The following FHIT variants were observed in gnomAD, a reference collection of about 807,000 sequenced individuals.
FHIT encodes bis(5'-adenosyl)-triphosphatase.
A neutral mutation model predicts 17.9 loss-of-function variants in FHIT; 19 were observed. That is an observed-to-expected ratio of 1.06 (90% CI 0.74 to 1.56). FHIT has a LOEUF of 1.56. FHIT is among the 40% of genes most tolerant of loss of function. The pLI is 0.00. For synonymous variants in FHIT, 81 were observed against 69.7 expected (o/e 1.16, Z -0.81); for missense variants, 248 against 189.2 (o/e 1.31, Z -1.82).
At chr3:61,238,921 G>T (rs941044087) in intron 1 of FHIT, among the ~76,000 whole-genome samples, 1 of 152,168 alleles carries the variant, frequency 6.6e-6, no homozygotes, top group Non-Finnish European at 1.5e-5. Context: ...CCGCATTAGG[G>T]GGCAGAAGTG....
At chr3:60,751,341 T>A (rs985012224) in intron 4 of FHIT, among the ~76,000 whole-genome samples, 2 of 152,264 alleles carry the variant, frequency 1.3e-5, no homozygotes, top group Non-Finnish European at 2.9e-5. Flanking sequence ...TTTTTCTCAC[T>A]TTAATGTTGC....
intron 5 of FHIT, among the ~76,000 whole-genome samples, chr3:60,221,806 A>C (rs1050998678): frequency 6.6e-6 from 1 of 152,072 alleles, no homozygotes; most frequent in Admixed American, 6.5e-5. Context: ...TGATCTCCTC[A>C]GAGACTATCC....
chr3:59,978,046 T>C (rs1011197253), intron 7 of FHIT, among the ~76,000 whole-genome samples: 2 of 152,196 alleles, frequency 1.3e-5, no homozygotes, highest in Admixed American at 6.5e-5. Flanking sequence ...CACTATGCTA[T>C]GTATGGGCTG....
intron 5 of FHIT, among the ~76,000 whole-genome samples, chr3:60,121,513 C>T (rs1705245300): frequency 6.6e-6 from 1 of 151,850 alleles, no homozygotes; most frequent in Admixed American, 6.6e-5. Flanking sequence ...TGGTGAGATC[C>T]CATCTCTACC....
intron 5 of FHIT, among the ~76,000 whole-genome samples, chr3:60,145,385 T>A (rs2107313299): frequency 6.6e-6 from 1 of 152,246 alleles, no homozygotes; most frequent in African/African-American, 2.4e-5. Flanking sequence ...TACAGTGGCG[T>A]GGGGGGCACA....
At chr3:60,635,431 C>T (rs1310503613) in intron 4 of FHIT, among the ~76,000 whole-genome samples, 1 of 152,206 alleles carries the variant, frequency 6.6e-6, no homozygotes, top group Non-Finnish European at 1.5e-5. Flanking sequence ...TGACCACTCC[C>T]CTCCTTCATA....
chr3:60,549,187 A>G (rs1195348606), intron 4 of FHIT, among the ~76,000 whole-genome samples: 1 of 152,222 alleles, frequency 6.6e-6, no homozygotes, highest in Non-Finnish European at 1.5e-5. Context: ...TGCTTATCAC[A>G]AAAATGGTAT....
At chr3:61,217,000 AG>A (rs1304291342) in intron 1 of FHIT, among the ~76,000 whole-genome samples, 2 of 61,376 alleles carry the variant, frequency 3.3e-5, no homozygotes, top group East Asian at 4.3e-4. Context: ...GTTGTGGGGT[AG>A]GGGGAGGGGG....
chr3:60,981,471 AT>A lies in FHIT; in HGVS notation c.-111+60575del, dbSNP rs545785660. 6.0e-4 allele frequency among the ~76,000 whole-genome samples: 90 copies of A among 150,808 alleles called. 1 individual carries two copies. The South Asian group carries it at 0.012, about 19-fold the overall frequency. On this transcript the variant is annotated intron_variant, in intron 3 of 9. Coordinates refer to ENST00000492590, the MANE Select transcript of FHIT (RefSeq NM_002012.4). Reference sequence around the variant, plus strand: ...AGGTGCACGCCACCACTACCAGCTAATTTTTTTAAAATATATTTTCGTAGAG... The same window carrying A: ...AGGTGCACGCCACCACTACCAGCTAATTTTTTAAAATATATTTTCGTAGAG...
chr3:60,663,981 C>T (rs553571724), intron 4 of FHIT, among the ~76,000 whole-genome samples: 5 of 151,908 alleles, frequency 3.3e-5, no homozygotes, highest in Non-Finnish European at 7.4e-5. Flanking sequence ...AAACTGCATG[C>T]CTTCTATTTT....
intron 4 of FHIT, among the ~76,000 whole-genome samples, chr3:60,589,195 AC>A (rs1334126536): frequency 3.3e-5 from 5 of 152,066 alleles, no homozygotes; most frequent in African/African-American, 1.2e-4. Flanking sequence ...AAAAAGTATA[AC>A]CCAATGTAAG....
chr3:60,133,313 T>A (rs973499186), intron 5 of FHIT, among the ~76,000 whole-genome samples: 1 of 152,138 alleles, frequency 6.6e-6, no homozygotes, highest in Non-Finnish European at 1.5e-5. Flanking sequence ...CCCTTGCTAA[T>A]AAAATACTGG....
At chr3:60,318,413 C>G (rs1037754878) in intron 5 of FHIT, among the ~76,000 whole-genome samples, 1 of 152,088 alleles carries the variant, frequency 6.6e-6, no homozygotes, top group Non-Finnish European at 1.5e-5. Context: ...CAAAGAAAGG[C>G]ATCTGGGGGG....
intron 4 of FHIT, among the ~76,000 whole-genome samples, chr3:60,767,149 A>G (rs1699884366): frequency 6.6e-6 from 1 of 152,240 alleles, no homozygotes; most frequent in Non-Finnish European, 1.5e-5. Flanking sequence ...CAGACAAATA[A>G]CAGGCATTTT....
chr3:60,441,484 CT>C (rs1341603392), intron 5 of FHIT, among the ~76,000 whole-genome samples: 1 of 151,610 alleles, frequency 6.6e-6, no homozygotes, highest in African/African-American at 2.4e-5. Flanking sequence ...TCATCTCAAA[CT>C]TCTCCTTGAA....
intron 2 of FHIT, among the ~76,000 whole-genome samples, chr3:61,127,252 G>A (rs976816522): frequency 6.6e-6 from 1 of 152,160 alleles, no homozygotes; most frequent in Non-Finnish European, 1.5e-5. Context: ...CCATAGTGGT[G>A]GAGGTGATGA....
chr3:60,709,412 A>AT (rs2041458811), intron 4 of FHIT, among the ~76,000 whole-genome samples: 2 of 152,112 alleles, frequency 1.3e-5, no homozygotes, highest in Admixed American at 1.3e-4. Context: ...AAATAACTGG[A>AT]TTTTTTCTCT....
chr3:61,190,361 C>T (rs150889453), intron 2 of FHIT, among the ~76,000 whole-genome samples: 7,792 of 152,242 alleles, frequency 0.051, 239 homozygotes, highest in Middle Eastern at 0.11. Context: ...CAGAGACATG[C>T]AAATCAAAAC....
At chr3:61,242,840 C>T (rs1026570633) in intron 1 of FHIT, among the ~76,000 whole-genome samples, 2 of 152,156 alleles carry the variant, frequency 1.3e-5, no homozygotes, top group African/African-American at 4.8e-5. Flanking sequence ...AGTTTATCAA[C>T]CTGGGTGGTG....
Sources: allele counts gnomAD v4.1 joint callset (sites outside exome capture counted in the v4.1 genomes callset), GRCh38; gene constraint gnomAD v4.1.1; transcripts MANE v1.5; gene names NCBI Gene and HGNC (gene_info 2026-07-23, HGNC 2026-07-21).